The following C5orf63 variants were observed in gnomAD, a reference collection of about 807,000 sequenced individuals.
The protein encoded by C5orf63 is glutaredoxin-like protein C5orf63.
In C5orf63, 18 loss-of-function variants were observed where a neutral mutation model predicts 13.3. The ratio of observed to expected loss-of-function variants is 1.36; its 90% CI spans 0.94 to 2.01. C5orf63 has a LOEUF of 2.01. C5orf63 is among the 30% of genes most tolerant of loss of function. The pLI is 0.00. For missense variants in C5orf63, 118 were observed against 127.7 expected, an observed-to-expected ratio of 0.92 and a Z score of 0.36; for synonymous variants, 38 against 44.7, an observed-to-expected ratio of 0.85 and a Z score of 0.60.
At chr5:127,047,911 G>T (rs1012737090), downstream of C5orf63, 1 of 685,662 alleles carries the variant, frequency 1.5e-6, no homozygotes. Context: ...ATCCTTGTAG[G>T]GTTGCTATGG....
At chr5:127,070,773 G>A (rs987488953) in intron 2 of C5orf63, among the ~76,000 whole-genome samples, 1 of 152,170 alleles carries the variant, frequency 6.6e-6, no homozygotes, top group Non-Finnish European at 1.5e-5. Flanking sequence ...TTGCATGGCA[G>A]GCCTGGAGAA....
chr5:127,067,825 T>G (rs752949784), intron 2 of C5orf63, among the ~76,000 whole-genome samples: 1 of 152,200 alleles, frequency 6.6e-6, no homozygotes, highest in Non-Finnish European at 1.5e-5. Context: ...ATTGATAATC[T>G]TTAAAGACAA....
At chr5:127,055,097 T>C (rs1753827539) in intron 3 of C5orf63, among the ~76,000 whole-genome samples, 1 of 152,184 alleles carries the variant, frequency 6.6e-6, no homozygotes, top group Admixed American at 6.5e-5. Context: ...TTTGTCTATA[T>C]CTCTGTTTTG....
chr5:127,043,193 A>C (rs1344881700), downstream of C5orf63: 1 of 152,206 alleles, frequency 6.6e-6, no homozygotes, highest in African/African-American at 2.4e-5. Flanking sequence ...ATAGAACAAA[A>C]GTGGGAGGGA....
In C5orf63 at chr5:127,052,603, A is replaced by G. The variant is rs1167344328; in HGVS notation, c.171+10T>C. 6.7e-7 allele frequency: 1 copy of G among 1,482,176 alleles called. No homozygotes were observed. Among genetic ancestry groups the G allele is most frequent in the Non-Finnish European group, 8.9e-7 (1 of 1,124,418 alleles). The allele number at this position is 1,482,176 out of a possible 1,614,324, so 91.8% of individuals were successfully genotyped here. A position where few individuals can be genotyped will look rare whatever the true frequency, so the allele number is the denominator to read the frequency against. ...TCCATATACATAAAAGCCACACTGT[A>G]TTATATTACCCTGTTTTCATAAGGC... On this transcript the variant is annotated intron_variant, in intron 4 of 4. Coordinates refer to ENST00000296662, the MANE Select transcript of C5orf63 (RefSeq NM_001164478.2).
At position 127,051,398 on chromosome 5, in the gene C5orf63, T is replaced by C; in HGVS notation, c.*373A>G. The C allele has an allele frequency of 8.1e-7, 1 of 1,232,672 alleles. No individual in the cohort carries two copies. The highest frequency in any genetic ancestry group is 1.0e-6 in the Non-Finnish European group (1 of 988,510). The allele number at this position is 1,232,672 out of a possible 1,614,324, so 76.4% of individuals were successfully genotyped here. On this transcript the variant is annotated 3_prime_UTR_variant, in exon 5 of 5. Coordinates refer to ENST00000296662, the MANE Select transcript of C5orf63 (RefSeq NM_001164478.2). ...AGTGGAAGAGCATTTATTCTTTCAT[T>C]AAAAAGTTAAGCCCTCCGGGGCAGC...
chr5:127,067,917 A>C (rs1423322365), intron 2 of C5orf63, among the ~76,000 whole-genome samples: 2 of 152,202 alleles, frequency 1.3e-5, no homozygotes, highest in African/African-American at 4.8e-5. Flanking sequence ...CTAACTAATC[A>C]GTCAGAGGAA....
chr5:127,068,878 C>T (rs1043913949), intron 2 of C5orf63, among the ~76,000 whole-genome samples: 18 of 152,104 alleles, frequency 1.2e-4, no homozygotes, highest in African/African-American at 4.3e-4. Flanking sequence ...CCATATACCC[C>T]CTCTAGTTCC....
chr5:127,051,594 G>C lies in C5orf63; in HGVS notation c.*177C>G, dbSNP rs1472518655. On this transcript the variant is annotated 3_prime_UTR_variant, in exon 5 of 5. Coordinates refer to ENST00000296662, the MANE Select transcript of C5orf63 (RefSeq NM_001164478.2). The stretch of plus-strand genomic sequence containing the variant: ...TTTATAAAATGCCATTAAGCAAACA[G>C]TTCCCACACTGATACTTCCATCAAC... 7.8e-7 allele frequency: 1 copy of C among 1,283,664 alleles called. No individual in the cohort carries two copies. The highest frequency in any genetic ancestry group is 9.8e-7 in the Non-Finnish European group (1 of 1,017,350). 79.5% of individuals were successfully genotyped at this position (1,283,664 alleles called of 1,614,324 possible). A position where few individuals can be genotyped will look rare whatever the true frequency, so the allele number is the denominator to read the frequency against.
At chr5:127,064,374 T>G (rs917212688) in intron 2 of C5orf63, among the ~76,000 whole-genome samples, 1 of 152,124 alleles carries the variant, frequency 6.6e-6, no homozygotes, top group Non-Finnish European at 1.5e-5. Flanking sequence ...TGTCTCAGCC[T>G]TAGCATCCAG....
intron 2 of C5orf63, among the ~76,000 whole-genome samples, chr5:127,063,241 T>C (rs1412935651): frequency 2.0e-5 from 3 of 152,196 alleles, no homozygotes; most frequent in African/African-American, 7.2e-5. Flanking sequence ...CTGGACCAAT[T>C]CAGCCCTCCT....
In C5orf63 at chr5:127,058,914, T is replaced by C. The variant is rs1294542197; in HGVS notation, c.82A>G (p.Thr28Ala). ...LFLRNCSASK[T>A]TLPVLTLFTK... ...AATAAGGTCAACACAGGCAGAGTTG[T>C]CTTAGAGGCAGAGCAATTTCTCAAG... Residue 28 changes from threonine to alanine, a missense_variant, in exon 3 of 5, where the codon ACA (threonine) becomes GCA (alanine). Thr to Ala is a moderately conservative substitution (Grantham distance 58). Transcript: ENST00000296662. 1 of 1,536,990 alleles carries C rather than the reference T, an allele frequency of 6.5e-7. No individual in the cohort carries two copies. The highest frequency in any genetic ancestry group is 1.2e-5 in the South Asian group (1 of 84,056).
chr5:127,060,859 T>C (rs1754077192), intron 2 of C5orf63, among the ~76,000 whole-genome samples: 1 of 152,212 alleles, frequency 6.6e-6, no homozygotes, highest in Non-Finnish European at 1.5e-5. Flanking sequence ...TTGCTGTAGT[T>C]TTCTTTTGCC....
downstream of C5orf63, chr5:127,044,084 A>G (rs895903419): frequency 2.0e-5 from 3 of 152,168 alleles, no homozygotes; most frequent in Admixed American, 6.5e-5. Flanking sequence ...CATGGGCTCA[A>G]TTTGCCTTTA....
intron 1 of C5orf63, among the ~76,000 whole-genome samples, chr5:127,072,282 T>A (rs1754573950): frequency 6.6e-6 from 1 of 152,220 alleles, no homozygotes; most frequent in Non-Finnish European, 1.5e-5. Flanking sequence ...CCCAGTATTA[T>A]CATAATTATC....
Position 127,051,446 on chromosome 5 carries a change from C to G in C5orf63, c.*325G>C. On this transcript the variant is annotated 3_prime_UTR_variant, in exon 5 of 5. Coordinates refer to ENST00000296662, the MANE Select transcript of C5orf63 (RefSeq NM_001164478.2). ...AGCAGCAGGAATGCAGAACCTTCTT[C>G]CTATAAATGGCATTGCCCAGTGACT... 1 of 1,232,940 alleles carries G rather than the reference C, an allele frequency of 8.1e-7. No individual in the cohort carries two copies. The highest frequency in any genetic ancestry group is 1.0e-6 in the Non-Finnish European group (1 of 988,670). 76.4% of individuals were successfully genotyped at this position (1,232,940 alleles called of 1,614,324 possible). A position where few individuals can be genotyped will look rare whatever the true frequency, so the allele number is the denominator to read the frequency against.
At chr5:127,063,072 TA>T in intron 2 of C5orf63, among the ~76,000 whole-genome samples, 1 of 151,322 alleles carries the variant, frequency 6.6e-6, no homozygotes, top group East Asian at 1.9e-4. Flanking sequence ...TTCCACAGCC[TA>T]ACAATAAAGA....
At chr5:127,072,004 C>T (rs1230621453) in intron 1 of C5orf63, 2 of 152,258 alleles carry the variant, frequency 1.3e-5, no homozygotes, top group African/African-American at 4.8e-5. Context: ...TACCTGCCAA[C>T]AGTCCATCTA....
rs189323335 is a variant in C5orf63 at position 127,060,009 on chromosome 5, G to A, written c.-7-1007C>T. Among the ~76,000 whole-genome samples, 435 of 151,886 alleles carry A rather than the reference G, an allele frequency of 2.9e-3. 3 individuals carry two copies. The Middle Eastern group carries it at 0.031, about 11-fold the overall frequency. The stretch of plus-strand genomic sequence containing the variant: ...ACAAATTAGCTGGGCATGGTGGCAG[G>A]AGCCTGTAATCCCAGCTACTCGGGA... On this transcript the variant is annotated intron_variant, in intron 2 of 4. Transcript: ENST00000296662.
Sources: allele counts gnomAD v4.1 joint callset (sites outside exome capture counted in the v4.1 genomes callset), GRCh38; gene constraint gnomAD v4.1.1; transcripts MANE v1.5; gene names NCBI Gene and HGNC (gene_info 2026-07-23, HGNC 2026-07-21).